Variants in BMAL1 observed in about 807,000 individuals in gnomAD.
BMAL1 encodes basic helix-loop-helix ARNT-like protein 1.
chr11:13,363,093 ATTATT>A, the BMAL1 span, among the ~76,000 whole-genome samples: 1 of 136,244 alleles, frequency 7.3e-6, no homozygotes, highest in African/African-American at 2.7e-5. Context: ...TACAGGCTTG[ATTATT>A]TTAAGAAAAA....
At chr11:13,350,270 G>A in the BMAL1 span, among the ~76,000 whole-genome samples, 2 of 152,180 alleles carry the variant, frequency 1.3e-5, no homozygotes, top group African/African-American at 4.8e-5. Context: ...ATGGCCCAAG[G>A]GGGCCAGGGC....
At chr11:13,346,352 A>G in the BMAL1 span, among the ~76,000 whole-genome samples, 16 of 152,166 alleles carry the variant, frequency 1.1e-4, no homozygotes, top group Non-Finnish European at 1.9e-4. Context: ...TTTGCATTTT[A>G]GGGTGCTGGA....
At chr11:13,356,428 G>A in the BMAL1 span, 4 of 564,578 alleles carry the variant, frequency 7.1e-6, no homozygotes, top group African/African-American at 1.9e-5. Flanking sequence ...GGTTAACTAA[G>A]CATTTTTATA....
chr11:13,368,232 C>T, the BMAL1 span, among the ~76,000 whole-genome samples: 1 of 152,270 alleles, frequency 6.6e-6, no homozygotes, highest in Admixed American at 6.5e-5. Flanking sequence ...GAAATAGTGC[C>T]AGGCATAGAG....
the BMAL1 span, chr11:13,372,236 G>A: frequency 6.2e-7 from 1 of 1,614,176 alleles, no homozygotes; most frequent in Non-Finnish European, 8.5e-7. Flanking sequence ...AGATGGGGCT[G>A]GATGAAGACA....
At chr11:13,321,791 C>T in the BMAL1 span, among the ~76,000 whole-genome samples, 1 of 152,132 alleles carries the variant, frequency 6.6e-6, no homozygotes, top group East Asian at 1.9e-4. Flanking sequence ...GTTAACTTTT[C>T]ATTTTTTGCT....
chr11:13,385,050 T>C, the BMAL1 span, among the ~76,000 whole-genome samples: 1 of 152,124 alleles, frequency 6.6e-6, no homozygotes. Context: ...ACCAAACTGT[T>C]TCCTCACGTA....
chr11:13,372,015 C>A, the BMAL1 span: 1 of 1,125,472 alleles, frequency 8.9e-7, no homozygotes, highest in Non-Finnish European at 1.3e-6. Context: ...CCGTCTGCCC[C>A]TTTCATTAGA....
chr11:13,279,983 C>T, the BMAL1 span, among the ~76,000 whole-genome samples: 5 of 152,170 alleles, frequency 3.3e-5, no homozygotes, highest in Non-Finnish European at 7.4e-5. Flanking sequence ...CCGTTCCAGT[C>T]GGGGCAAGTT....
chr11:13,328,404 T>G, the BMAL1 span, among the ~76,000 whole-genome samples: 5 of 152,228 alleles, frequency 3.3e-5, no homozygotes, highest in Non-Finnish European at 7.3e-5. Context: ...TCCAAACACT[T>G]TAACTCTTCG....
chr11:13,381,708 A>C, the BMAL1 span, among the ~76,000 whole-genome samples: 1 of 152,172 alleles, frequency 6.6e-6, no homozygotes, highest in Non-Finnish European at 1.5e-5. Flanking sequence ...ATACTTGGGG[A>C]TCTGCTGCCT....
At chr11:13,286,530 G>A in the BMAL1 span, among the ~76,000 whole-genome samples, 2 of 152,110 alleles carry the variant, frequency 1.3e-5, no homozygotes, top group Admixed American at 6.5e-5. Flanking sequence ...ACCATAGCAG[G>A]GAAACGTAGA....
At chr11:13,356,278 A>G in the BMAL1 span, 1 of 457,986 alleles carries the variant, frequency 2.2e-6, no homozygotes, top group Non-Finnish European at 4.4e-6. Flanking sequence ...CACCCTCCTC[A>G]CTTCGTCCCT....
chr11:13,367,698 C>T, the BMAL1 span, among the ~76,000 whole-genome samples: 1 of 120,710 alleles, frequency 8.3e-6, no homozygotes, highest in African/African-American at 3.1e-5. Context: ...GAGCAAGACT[C>T]TGTCTCAGAA....
chr11:13,356,258 A>T, the BMAL1 span: 1 of 457,478 alleles, frequency 2.2e-6, no homozygotes, highest in South Asian at 1.5e-5. Flanking sequence ...CTTTGTTGGT[A>T]CTTTAATTCC....
chr11:13,277,716 G>T, the BMAL1 span: 1 of 151,190 alleles, frequency 6.6e-6, no homozygotes, highest in East Asian at 2.0e-4. Flanking sequence ...GGGGAAGGGG[G>T]GTTGGGCACA....
the BMAL1 span, chr11:13,374,056 G>C: frequency 2.5e-6 from 4 of 1,580,460 alleles, no homozygotes; most frequent in African/African-American, 4.0e-5. Flanking sequence ...TCATCTGAAT[G>C]GCTTTTTCTT....
chr11:13,331,955 C>G, the BMAL1 span, among the ~76,000 whole-genome samples: 1,260 of 151,660 alleles, frequency 8.3e-3, 18 homozygotes, highest in African/African-American at 0.028. Flanking sequence ...AGAGGCCGGG[C>G]GGGGTTGGTC....
chr11:13,305,874 T>C, the BMAL1 span, among the ~76,000 whole-genome samples: 1 of 152,166 alleles, frequency 6.6e-6, no homozygotes, highest in Non-Finnish European at 1.5e-5. Context: ...CAGGGAGATT[T>C]GTTGGGGCAT....
Sources: gnomAD v4.1 joint callset for allele counts (sites outside exome capture counted in the v4.1 genomes callset) on GRCh38, gnomAD v4.1.1 for gene constraint, MANE v1.5 for transcripts, NCBI Gene and HGNC (gene_info 2026-07-23, HGNC 2026-07-21) for gene names.